The following NXN variants were observed in gnomAD, a reference collection of about 807,000 sequenced individuals.
NXN encodes the protein nucleoredoxin 1.
Under a neutral mutation model 48.6 loss-of-function variants are expected in NXN, and 16 were observed. The observed-to-expected ratio is 0.33, with a 90% CI of 0.22 to 0.50. NXN has a LOEUF of 0.50. NXN is among the 20% of genes least tolerant of loss of function. NXN has a pLI of 0.98. For synonymous variants in NXN, 281 were observed against 269.6 expected, an observed-to-expected ratio of 1.04 and a Z score of -0.41; for missense variants, 492 against 605.5, an observed-to-expected ratio of 0.81 and a Z score of 1.97.
rs765517973 is a variant in NXN, at chr17:822,412, G to A, written c.658C>T (p.Arg220Trp). Reference sequence around the variant, plus strand: ...TTCTGGCCTGCCTCCTTGATCTTCCGGTAGGATTCCACCAGGACCCGGGTG... The same window carrying A: ...TTCTGGCCTGCCTCCTTGATCTTCCAGTAGGATTCCACCAGGACCCGGGTG... The part of the protein sequence containing the change: ...SLTRVLVESY[R>W]KIKEAGQNFE... The change falls in exon 4 of 8, where the codon CGG (arginine) becomes TGG (tryptophan). Residue 220 changes from arginine to tryptophan, a missense_variant. By Grantham distance (101) the Arg-to-Trp change is moderately radical. Coordinates refer to ENST00000336868, the MANE Select transcript of NXN (RefSeq NM_022463.5). 13 of 1,613,956 alleles carry A rather than the reference G, an allele frequency of 8.1e-6. No individual in the cohort carries two copies. The highest frequency in any genetic ancestry group is 2.2e-5 in the South Asian group (2 of 91,068).
chr17:950,862 C>T lies in NXN; in HGVS notation c.360+28457G>A, dbSNP rs2069101149. The stretch of plus-strand genomic sequence containing the variant: ...TGGCACAAAGAAGACCAACAAATGA[C>T]ACACCAAGCCAGTAAAGACACCTCC... On this transcript the variant is annotated intron_variant, in intron 1 of 7. Transcript: ENST00000336868. 2.6e-5 allele frequency among the ~76,000 whole-genome samples: 4 copies of T among 152,026 alleles called. No individual in the cohort carries two copies. The South Asian group carries it at 8.3e-4, about 32-fold the overall frequency.
intron 1 of NXN, among the ~76,000 whole-genome samples, chr17:853,723 A>ATATATATTTTT (rs1491528474): frequency 1.2e-3 from 128 of 105,960 alleles, no homozygotes; most frequent in Non-Finnish European, 1.8e-3. Flanking sequence ...ATATATATAT[A>ATATATATTTTT]TTTTTTTTTT....
rs1912933129 is a variant in NXN at position 823,562 on chromosome 17, A to G, written c.612+70T>C. On this transcript the variant is annotated intron_variant, in intron 3 of 7. Coordinates refer to ENST00000336868, the MANE Select transcript of NXN (RefSeq NM_022463.5). Reference sequence around the variant, plus strand: ...CTGGGTGTCTCACCCCCAGAAGCCAACCACAGCTGGGCCTGCTGGGAACAT... The same window carrying G: ...CTGGGTGTCTCACCCCCAGAAGCCAGCCACAGCTGGGCCTGCTGGGAACAT... 3.8e-6 allele frequency: 6 copies of G among 1,578,456 alleles called. No individual in the cohort carries two copies. In the East Asian group the frequency reaches 1.3e-4, roughly 35 times the overall value.
At chr17:967,333 T>C (rs1349657882) in intron 1 of NXN, among the ~76,000 whole-genome samples, 1 of 151,940 alleles carries the variant, frequency 6.6e-6, no homozygotes, top group Non-Finnish European at 1.5e-5. Flanking sequence ...CACTAGGAGA[T>C]GAGGAACAGC....
At chr17:901,575 C>T (rs1345185979) in intron 1 of NXN, among the ~76,000 whole-genome samples, 3 of 152,176 alleles carry the variant, frequency 2.0e-5, no homozygotes, top group Non-Finnish European at 4.4e-5. Flanking sequence ...ACACCTCCCC[C>T]GTGAAAACCA....
intron 1 of NXN, among the ~76,000 whole-genome samples, chr17:937,165 G>A (rs2068916829): frequency 6.6e-6 from 1 of 152,022 alleles, no homozygotes; most frequent in South Asian, 2.1e-4. Flanking sequence ...TGTATTTTTT[G>A]TAGAGATGGG....
chr17:842,470 G>C (rs534879161), intron 1 of NXN: 4 of 979,474 alleles, frequency 4.1e-6, no homozygotes, highest in South Asian at 9.4e-5. Context: ...AGGCCACGTG[G>C]GTTACTGGGG....
intron 1 of NXN, among the ~76,000 whole-genome samples, chr17:880,259 C>T (rs570468301): frequency 1.2e-4 from 18 of 151,938 alleles, no homozygotes; most frequent in Non-Finnish European, 2.2e-4. Context: ...TCTTTATTTC[C>T]GGGGGCGGAG....
At chr17:900,529 C>T (rs2663356) in intron 1 of NXN, among the ~76,000 whole-genome samples, 122,078 of 152,012 alleles carry the variant, frequency 0.8, 49,248 homozygotes, top group Middle Eastern at 0.9. Context: ...CAGGAGGCTG[C>T]TGGCAAACCA....
intron 1 of NXN, among the ~76,000 whole-genome samples, chr17:946,712 C>T (rs954584813): frequency 6.6e-6 from 1 of 152,220 alleles, no homozygotes; most frequent in African/African-American, 2.4e-5. Context: ...GACGACCCCC[C>T]GCAGCGGGCG....
intron 1 of NXN, among the ~76,000 whole-genome samples, chr17:937,297 G>A (rs553538206): frequency 5.3e-4 from 80 of 152,156 alleles, no homozygotes; most frequent in Non-Finnish European, 1.1e-3. Context: ...AGGGGGCAAG[G>A]TGCAGGGCAA....
intron 5 of NXN, among the ~76,000 whole-genome samples, chr17:812,131 G>T (rs1027253803): frequency 3.3e-5 from 5 of 150,482 alleles, no homozygotes; most frequent in African/African-American, 7.4e-5. Context: ...GTTTCACCGT[G>T]TTAGCCAGGA....
At chr17:851,056 C>T (rs1200291190) in intron 1 of NXN, among the ~76,000 whole-genome samples, 4 of 152,238 alleles carry the variant, frequency 2.6e-5, no homozygotes, top group Non-Finnish European at 5.9e-5. Context: ...ACAGCTTCTC[C>T]GTCGGGAGCA....
intron 1 of NXN, among the ~76,000 whole-genome samples, chr17:896,212 T>C (rs961131522): frequency 1.3e-5 from 2 of 151,358 alleles, no homozygotes; most frequent in Admixed American, 6.6e-5. Context: ...TGGTGGCGCA[T>C]GCCTGTAATC....
At chr17:840,706 C>A (rs1460851538) in intron 1 of NXN, among the ~76,000 whole-genome samples, 1 of 152,210 alleles carries the variant, frequency 6.6e-6, no homozygotes, top group African/African-American at 2.4e-5. Flanking sequence ...CAACAGAAAT[C>A]ACTTTGCTGC....
chr17:865,113 C>T (rs1206227191), intron 1 of NXN, among the ~76,000 whole-genome samples: 3 of 152,152 alleles, frequency 2.0e-5, no homozygotes, highest in East Asian at 1.9e-4. Context: ...CTTTCTCGCT[C>T]GATATTGTCC....
At chr17:855,609 A>C (rs1325050691) in intron 1 of NXN, among the ~76,000 whole-genome samples, 1 of 152,220 alleles carries the variant, frequency 6.6e-6, no homozygotes, top group African/African-American at 2.4e-5. Context: ...CAGTCCTCCC[A>C]TTCTCCAGCA....
At chr17:843,006 GAGAAAGAAAGAAAGAAAGAA>G (rs781376999) in intron 1 of NXN, among the ~76,000 whole-genome samples, 1,147 of 96,054 alleles carry the variant, frequency 0.012, 9 homozygotes, top group Middle Eastern at 0.037. Context: ...GAGAGAAAGA[GAGAAAGAAAGAAAGAAAGAA>G]AGAAAGAAAG....
At chr17:931,270 G>C (rs56072437) in intron 1 of NXN, among the ~76,000 whole-genome samples, 61,122 of 143,262 alleles carry the variant, frequency 0.43, 14,997 homozygotes, top group Admixed American at 0.54. Flanking sequence ...CTGGGCGACA[G>C]AGCGAGACTC....
Sources: allele counts gnomAD v4.1 joint callset (sites outside exome capture counted in the v4.1 genomes callset), GRCh38; gene constraint gnomAD v4.1.1; transcripts MANE v1.5; gene names NCBI Gene and HGNC (gene_info 2026-07-23, HGNC 2026-07-21).